ZFHX3: variants seen among roughly 807,000 people sequenced by gnomAD.
ZFHX3 encodes the protein zinc finger homeobox 3.
A neutral mutation model predicts 279.1 loss-of-function variants in ZFHX3; 42 were observed. The ratio of observed to expected loss-of-function variants is 0.15; its 90% CI spans 0.12 to 0.19. ZFHX3 has a LOEUF of 0.19. Ranked by LOEUF, ZFHX3 falls within the 10% of genes least tolerant of loss-of-function variation. The pLI, the probability that ZFHX3 is intolerant of heterozygous loss-of-function variation, is 1.00. For missense variants in ZFHX3, 4,981 were observed against 4,754.0 expected (o/e 1.05, Z -1.40); for synonymous variants, 2,293 against 1,957.8 (o/e 1.17, Z -4.52).
At chr16:73,384,194 A>G (rs2016861198) in intron 3 of ZFHX3, among the ~76,000 whole-genome samples, 1 of 152,196 alleles carries the variant, frequency 6.6e-6, no homozygotes, top group Admixed American at 6.5e-5. Context: ...CTGTTTTTAT[A>G]AATAAAGATT....
chr16:72,842,343 A>C (rs1382500215), intron 4 of ZFHX3, among the ~76,000 whole-genome samples: 1 of 151,946 alleles, frequency 6.6e-6, no homozygotes, highest in Non-Finnish European at 1.5e-5. Flanking sequence ...TCAGCCTCCC[A>C]AAGTGTTGGG....
chr16:73,591,914 A>G (rs536002454), intron 2 of ZFHX3, among the ~76,000 whole-genome samples: 1 of 151,868 alleles, frequency 6.6e-6, no homozygotes, highest in African/African-American at 2.4e-5. Flanking sequence ...TTAGGTATGA[A>G]CTGTTGGTGT....
At chr16:72,902,670 C>T (rs577238715) in intron 3 of ZFHX3, among the ~76,000 whole-genome samples, 2 of 152,124 alleles carry the variant, frequency 1.3e-5, no homozygotes. Context: ...TCCAATGGGC[C>T]TGAGCGCAAA....
intron 2 of ZFHX3, among the ~76,000 whole-genome samples, chr16:72,955,010 G>C (rs1189213773): frequency 6.6e-6 from 1 of 152,202 alleles, no homozygotes; most frequent in African/African-American, 2.4e-5. Flanking sequence ...GCCACAGCTA[G>C]AACTGAAAGT....
Position 72,993,671 on chromosome 16 carries a change from C to T in ZFHX3, c.-49-33477G>A, listed in dbSNP as rs545103196. On this transcript the variant is annotated intron_variant, in intron 1 of 9. Coordinates refer to ENST00000268489, the MANE Select transcript of ZFHX3 (RefSeq NM_006885.4). ...GCCCACCACTCCCCACTCCAATTTC[C>T]TTTATCTGTTTTGTACTTAAAAAGT... is the stretch of plus-strand genomic sequence containing the variant. 7.8e-4 allele frequency among the ~76,000 whole-genome samples: 118 copies of T among 152,236 alleles called. 1 individual carries two copies. The highest frequency in any genetic ancestry group is 4.3e-4 in the Non-Finnish European group (29 of 68,018).
At chr16:73,197,424 G>C (rs1567416010) in intron 5 of ZFHX3, among the ~76,000 whole-genome samples, 1 of 152,154 alleles carries the variant, frequency 6.6e-6, no homozygotes, top group Non-Finnish European at 1.5e-5. Flanking sequence ...CATGTCTGTT[G>C]TCTGTTGTAT....
At chr16:73,109,664 C>A (rs1156374435) in intron 7 of ZFHX3, among the ~76,000 whole-genome samples, 1 of 152,266 alleles carries the variant, frequency 6.6e-6, no homozygotes, top group South Asian at 2.1e-4. Flanking sequence ...GCCTGGTCAA[C>A]AGGGTGAAAG....
intron 5 of ZFHX3, among the ~76,000 whole-genome samples, chr16:73,251,700 T>G (rs1427698082): frequency 2.5e-5 from 3 of 118,806 alleles, no homozygotes; most frequent in Non-Finnish European, 3.9e-5. Flanking sequence ...CACACACACA[T>G]GCACACACAC....
intron 8 of ZFHX3, among the ~76,000 whole-genome samples, chr16:73,072,594 T>G (rs536117809): frequency 2.0e-5 from 3 of 152,320 alleles, no homozygotes; most frequent in Non-Finnish European, 4.4e-5. Context: ...AGACAGAATC[T>G]TGCTTTGTCA....
intron 3 of ZFHX3, among the ~76,000 whole-genome samples, chr16:73,422,043 G>A (rs1465021664): frequency 3.3e-5 from 5 of 152,092 alleles, no homozygotes; most frequent in African/African-American, 9.7e-5. Flanking sequence ...CCTCTACCAC[G>A]CTTCCGGGGC....
intron 6 of ZFHX3, among the ~76,000 whole-genome samples, chr16:73,133,710 T>C (rs1226023371): frequency 1.3e-5 from 2 of 152,208 alleles, no homozygotes; most frequent in Non-Finnish European, 2.9e-5. Context: ...TGAAGCCACC[T>C]AATTTGTGGT....
chr16:73,139,368 C>A (rs1454284450), intron 6 of ZFHX3, among the ~76,000 whole-genome samples: 1 of 152,128 alleles, frequency 6.6e-6, no homozygotes, highest in African/African-American at 2.4e-5. Context: ...TAGGAGATAT[C>A]TGATAGGACG....
chr16:73,605,102 A>ATTT (rs1483210461), intron 2 of ZFHX3, among the ~76,000 whole-genome samples: 1 of 152,182 alleles, frequency 6.6e-6, no homozygotes, highest in African/African-American at 2.4e-5. Context: ...GTAACTAAAA[A>ATTT]AGGAATGATT....
At chr16:73,835,458 CTTT>C (rs34127285) in intron 1 of ZFHX3, among the ~76,000 whole-genome samples, 2 of 49,536 alleles carry the variant, frequency 4.0e-5, no homozygotes, top group South Asian at 7.9e-4. Flanking sequence ...CCCTCTTCTG[CTTT>C]TTTTTTTTTT....
chr16:73,129,918 C>T (rs1567396518), intron 7 of ZFHX3, among the ~76,000 whole-genome samples: 1 of 152,090 alleles, frequency 6.6e-6, no homozygotes, highest in Non-Finnish European at 1.5e-5. Context: ...TAACCATCCT[C>T]CTTGTGTTTA....
chr16:73,877,485 A>T (rs1042902186), intron 1 of ZFHX3, among the ~76,000 whole-genome samples: 1 of 152,148 alleles, frequency 6.6e-6, no homozygotes, highest in Non-Finnish European at 1.5e-5. Context: ...GTTAATTCAA[A>T]AGGAATCAAG....
At chr16:73,000,122 C>A (rs1806600585) in intron 1 of ZFHX3, among the ~76,000 whole-genome samples, 1 of 152,166 alleles carries the variant, frequency 6.6e-6, no homozygotes, top group South Asian at 2.1e-4. Flanking sequence ...AGGTGGAGGG[C>A]CCACCCGAGT....
chr16:73,018,868 A>C (rs1964198001), intron 1 of ZFHX3, among the ~76,000 whole-genome samples: 1 of 152,118 alleles, frequency 6.6e-6, no homozygotes, highest in Non-Finnish European at 1.5e-5. Flanking sequence ...CTCCTAACCA[A>C]CCCAGAAAGA....
At chr16:73,358,414 C>T (rs974592786) in intron 3 of ZFHX3, among the ~76,000 whole-genome samples, 1 of 152,236 alleles carries the variant, frequency 6.6e-6, no homozygotes, top group Non-Finnish European at 1.5e-5. Flanking sequence ...AGCGCAGCCT[C>T]TGGCCAAGAA....
Sources: gnomAD v4.1 joint callset for allele counts (sites outside exome capture counted in the v4.1 genomes callset) on GRCh38, gnomAD v4.1.1 for gene constraint, MANE v1.5 for transcripts, NCBI Gene and HGNC (gene_info 2026-07-23, HGNC 2026-07-21) for gene names.